The following DLC1 variants were observed in gnomAD, a reference collection of about 807,000 sequenced individuals.
The protein encoded by DLC1 is rho GTPase-activating protein 7.
In DLC1, 54 loss-of-function variants were observed where a neutral mutation model predicts 140.3. That is an observed-to-expected ratio of 0.38 (90% CI 0.31 to 0.48). The LOEUF (loss-of-function observed/expected upper bound fraction) is 0.48, where lower values mean the gene tolerates loss of function less well. Ranked by LOEUF, DLC1 falls within the 20% of genes least tolerant of loss-of-function variation. The pLI is 0.96. For synonymous variants in DLC1, 986 were observed against 728.1 expected (o/e 1.35, Z -5.70); for missense variants, 2,536 against 1,907.0 (o/e 1.33, Z -6.14).
chr8:13,290,743 G>A (rs1475161328), intron 5 of DLC1, among the ~76,000 whole-genome samples: 1 of 152,110 alleles, frequency 6.6e-6, no homozygotes, highest in East Asian at 1.9e-4. Context: ...GACATCTGGA[G>A]ATGATATAAA....
At chr8:13,520,683 G>A (rs1802737296) in intron 1 of DLC1, among the ~76,000 whole-genome samples, 1 of 152,072 alleles carries the variant, frequency 6.6e-6, no homozygotes, top group African/African-American at 2.4e-5. Flanking sequence ...AAGAGGGCAC[G>A]TATGTCTTAG....
chr8:13,228,594 A>T (rs1828904582), intron 5 of DLC1, among the ~76,000 whole-genome samples: 1 of 152,134 alleles, frequency 6.6e-6, no homozygotes, highest in East Asian at 1.9e-4. Flanking sequence ...AAATAAAAAT[A>T]AAAAAATTAG....
intron 5 of DLC1, among the ~76,000 whole-genome samples, chr8:13,250,806 C>T (rs1258361186): frequency 2.0e-5 from 3 of 151,978 alleles, no homozygotes; most frequent in Non-Finnish European, 2.9e-5. Context: ...TACTTTAGTC[C>T]ACATCTTCCC....
rs1380866422 is a variant in DLC1, at chr8:13,341,381, C to A, written c.1315-36079G>T. ...GCTATGCCTTCAGCTTCGAGCAGTT[C>A]TTGAACTCCAGCGTGCGTCAGAATC... On this transcript the variant is annotated intron_variant, in intron 4 of 17. Coordinates refer to ENST00000276297, the MANE Select transcript of DLC1 (RefSeq NM_182643.3). 3 of 152,162 alleles carry A rather than the reference C, an allele frequency of 2.0e-5. No individual in the cohort carries two copies. In the East Asian group the frequency reaches 5.8e-4, roughly 29 times the overall value. The allele number at this position is 152,162 out of a possible 1,614,324, so 9.4% of individuals were successfully genotyped here. A position where few individuals can be genotyped will look rare whatever the true frequency, so the allele number is the denominator to read the frequency against.
chr8:13,553,797 G>T (rs917805168), intron 1 of DLC1, among the ~76,000 whole-genome samples: 2 of 152,036 alleles, frequency 1.3e-5, no homozygotes, highest in Non-Finnish European at 2.9e-5. Context: ...TTCTTGTCAA[G>T]GTCACCCAAG....
intron 5 of DLC1, among the ~76,000 whole-genome samples, chr8:13,204,287 G>C (rs776174438): frequency 6.6e-6 from 1 of 152,146 alleles, no homozygotes; most frequent in Non-Finnish European, 1.5e-5. Context: ...AAAACAGAGA[G>C]ACGGAGTGCA....
chr8:13,103,310 CAAAA>C (rs893391880), intron 7 of DLC1, among the ~76,000 whole-genome samples: 8 of 110,408 alleles, frequency 7.2e-5, no homozygotes, highest in African/African-American at 2.4e-4. Context: ...GACTCCTTCT[CAAAA>C]TAAATAAATA....
chr8:13,457,676 C>CAAAAAAAA (rs34916262), intron 2 of DLC1, among the ~76,000 whole-genome samples: 3 of 54,868 alleles, frequency 5.5e-5, no homozygotes, highest in South Asian at 9.9e-4. Context: ...GACTCCATCT[C>CAAAAAAAA]AAAAAAAAAA....
chr8:13,382,529 A>AAAAAAG (rs557423876), intron 4 of DLC1, among the ~76,000 whole-genome samples: 14 of 109,428 alleles, frequency 1.3e-4, no homozygotes, highest in East Asian at 6.0e-4. Flanking sequence ...AAAAAAAAAA[A>AAAAAAG]AAAGAAAGAG....
chr8:13,524,876 C>T (rs530280170), intron 1 of DLC1, among the ~76,000 whole-genome samples: 2 of 152,258 alleles, frequency 1.3e-5, no homozygotes, highest in East Asian at 3.9e-4. Context: ...TTAAAGTGAA[C>T]AATTTGATTG....
chr8:13,308,231 T>G (rs761964942), intron 4 of DLC1, among the ~76,000 whole-genome samples: 1 of 152,266 alleles, frequency 6.6e-6, no homozygotes, highest in Non-Finnish European at 1.5e-5. Flanking sequence ...CCATATTTCA[T>G]GTAGCCAATG....
At chr8:13,445,296 C>T (rs1387652232) in intron 2 of DLC1, among the ~76,000 whole-genome samples, 2 of 152,080 alleles carry the variant, frequency 1.3e-5, no homozygotes, top group Middle Eastern at 3.2e-3. Flanking sequence ...GAACAGAAAG[C>T]AGAATTGTTT....
chr8:13,350,926 A>C (rs1035799676), intron 4 of DLC1, among the ~76,000 whole-genome samples: 1 of 151,778 alleles, frequency 6.6e-6, no homozygotes, highest in Admixed American at 6.5e-5. Flanking sequence ...GTCCTTTTGA[A>C]TATATTTATA....
intron 4 of DLC1, among the ~76,000 whole-genome samples, chr8:13,312,832 G>A (rs1832735120): frequency 6.6e-6 from 1 of 152,148 alleles, no homozygotes; most frequent in African/African-American, 2.4e-5. Context: ...TTTTAAGTCT[G>A]ATCTATGAAA....
chr8:13,428,237 G>A (rs927200344), intron 2 of DLC1, among the ~76,000 whole-genome samples: 2 of 152,294 alleles, frequency 1.3e-5, no homozygotes, highest in East Asian at 1.9e-4. Flanking sequence ...GGCAAGAGAC[G>A]CTGTGTGCCC....
At position 13,534,997 on chromosome 8, in the gene DLC1, G is replaced by A. The variant is rs570173064; in HGVS notation, c.-125-34801C>T. Among the ~76,000 whole-genome samples the A allele has an allele frequency of 9.9e-5, 15 of 151,950 alleles. 1 individual carries two copies. Among genetic ancestry groups the A allele is most frequent in the Non-Finnish European group, 1.6e-4 (11 of 67,996 alleles). Reference sequence around the variant, plus strand: ...AGGTATAGGAGAATCCTTATCTCTCGCTAATCACTAATTCAATTTTTCAGC... The same window carrying A: ...AGGTATAGGAGAATCCTTATCTCTCACTAATCACTAATTCAATTTTTCAGC... On this transcript the variant is annotated intron_variant, in intron 1 of 1. Coordinates refer to the DLC1 transcript ENST00000631382.
chr8:13,102,142 A>T (rs1819146055), intron 8 of DLC1, among the ~76,000 whole-genome samples: 1 of 152,310 alleles, frequency 6.6e-6, no homozygotes, highest in African/African-American at 2.4e-5. Context: ...TTCTTTGACC[A>T]GACTCATTCC....
At chr8:13,088,075 C>T (rs986086795) in intron 16 of DLC1, among the ~76,000 whole-genome samples, 1 of 152,122 alleles carries the variant, frequency 6.6e-6, no homozygotes, top group African/African-American at 2.4e-5. Flanking sequence ...TTTCTGGAAG[C>T]ATATGTTTTG....
chr8:13,579,694 C>G (rs989235942), intron 1 of DLC1, among the ~76,000 whole-genome samples: 1 of 141,612 alleles, frequency 7.1e-6, no homozygotes, highest in Non-Finnish European at 1.5e-5. Flanking sequence ...ATTTATATAT[C>G]TTATTATATC....
Sources: gnomAD v4.1 joint callset for allele counts (sites outside exome capture counted in the v4.1 genomes callset) on GRCh38, gnomAD v4.1.1 for gene constraint, MANE v1.5 for transcripts, NCBI Gene and HGNC (gene_info 2026-07-23, HGNC 2026-07-21) for gene names.